Variants in MAPK4 observed in about 807,000 individuals in gnomAD.
MAPK4 encodes Erk3-related.
Under a neutral mutation model 47.7 loss-of-function variants are expected in MAPK4, and 22 were observed. That is an observed-to-expected ratio of 0.46 (90% CI 0.33 to 0.66). MAPK4 has a LOEUF of 0.66. Ranked by LOEUF, MAPK4 falls within the 30% of genes least tolerant of loss-of-function variation. The pLI is 0.02. For missense variants in MAPK4, 736 were observed against 831.7 expected (o/e 0.88, Z 1.42); for synonymous variants, 390 against 365.7 (o/e 1.07, Z -0.76).
chr18:50,718,949 T>A (rs1173847089), intron 3 of MAPK4, among the ~76,000 whole-genome samples: 1 of 151,786 alleles, frequency 6.6e-6, no homozygotes, highest in Non-Finnish European at 1.5e-5. Context: ...CTGGGCGTGG[T>A]GGCATGCACC....
intron 2 of MAPK4, among the ~76,000 whole-genome samples, chr18:50,709,515 C>T (rs1050330614): frequency 3.9e-5 from 6 of 152,342 alleles, no homozygotes; most frequent in East Asian, 3.9e-4. Context: ...CTGCAACCTA[C>T]GCTGAAACGC....
chr18:50,701,436 G>A (rs1022407275), intron 2 of MAPK4, among the ~76,000 whole-genome samples: 6 of 152,184 alleles, frequency 3.9e-5, no homozygotes, highest in East Asian at 3.8e-4. Flanking sequence ...GCTGGATGCC[G>A]CTTGCTTGGC....
At chr18:50,691,498 G>A (rs1460708620) in intron 2 of MAPK4, among the ~76,000 whole-genome samples, 5 of 152,176 alleles carry the variant, frequency 3.3e-5, no homozygotes, top group East Asian at 1.9e-4. Context: ...ATAAGAAAAC[G>A]TAAAGATCAT....
At chr18:50,577,406 T>A (rs1178513725) in intron 1 of MAPK4, among the ~76,000 whole-genome samples, 1 of 152,216 alleles carries the variant, frequency 6.6e-6, no homozygotes, top group Non-Finnish European at 1.5e-5. Context: ...AGGTGCATGT[T>A]AGAATCATCT....
intron 1 of MAPK4, among the ~76,000 whole-genome samples, chr18:50,568,023 C>T (rs181835804): frequency 1.9e-3 from 294 of 151,760 alleles, no homozygotes; most frequent in African/African-American, 6.5e-3. Flanking sequence ...GGTGAAACCC[C>T]GTCTCTACTA....
intron 1 of MAPK4, among the ~76,000 whole-genome samples, chr18:50,626,325 G>T (rs1460259654): frequency 6.6e-6 from 1 of 152,208 alleles, no homozygotes; most frequent in Admixed American, 6.5e-5. Flanking sequence ...CGTGAGGTCT[G>T]TGGAGGGAGG....
intron 1 of MAPK4, among the ~76,000 whole-genome samples, chr18:50,657,439 G>C (rs1470160387): frequency 6.6e-6 from 1 of 152,150 alleles, no homozygotes; most frequent in African/African-American, 2.4e-5. Flanking sequence ...ATAAAACAGA[G>C]AGAACTGCAG....
At chr18:50,603,103 C>T (rs897794451) in intron 1 of MAPK4, among the ~76,000 whole-genome samples, 1 of 152,148 alleles carries the variant, frequency 6.6e-6, no homozygotes. Flanking sequence ...CTGGAGGTTA[C>T]AGATAGTTAC....
At chr18:50,579,712 C>T (rs1460087444) in intron 1 of MAPK4, among the ~76,000 whole-genome samples, 1 of 152,156 alleles carries the variant, frequency 6.6e-6, no homozygotes, top group African/African-American at 2.4e-5. Flanking sequence ...TCCCAGGTAC[C>T]CTCAGGATGG....
chr18:50,599,489 G>C (rs2149371352), intron 1 of MAPK4, among the ~76,000 whole-genome samples: 1 of 152,254 alleles, frequency 6.6e-6, no homozygotes, highest in Non-Finnish European at 1.5e-5. Flanking sequence ...TACAATCTCG[G>C]CTCACTGCAA....
At chr18:50,591,415 G>T (rs919601340) in intron 1 of MAPK4, among the ~76,000 whole-genome samples, 5 of 151,890 alleles carry the variant, frequency 3.3e-5, no homozygotes, top group Non-Finnish European at 7.4e-5. Flanking sequence ...GTATCTTGAA[G>T]TATCTATGTT....
chr18:50,729,647 T>C lies in MAPK4; in HGVS notation c.1557T>C (p.Ser519=). 6.7e-7 allele frequency: 1 copy of C among 1,493,762 alleles called. No homozygotes were observed. The highest frequency in any genetic ancestry group is 1.3e-5 in the South Asian group (1 of 76,152). The allele number at this position is 1,493,762 out of a possible 1,614,324, so 92.5% of individuals were successfully genotyped here. The part of the protein sequence containing the change: ...PPADDPERRL[S]ASPPGRPAPV... ...CCGACGACCCCGAGCGCCGCTTGTCTGCCTCGCCCCCCGGCCGCCCGGCCC... is the reference window on the plus strand; with the variant it reads ...CCGACGACCCCGAGCGCCGCTTGTCCGCCTCGCCCCCCGGCCGCCCGGCCC... Residue 519 remains serine, a synonymous_variant, in exon 6 of 6, where the codon TCT becomes TCC. Coordinates refer to ENST00000400384, the MANE Select transcript of MAPK4 (RefSeq NM_002747.4).
intron 1 of MAPK4, among the ~76,000 whole-genome samples, chr18:50,605,005 G>A (rs760939931): frequency 8.5e-5 from 13 of 152,322 alleles, no homozygotes; most frequent in Admixed American, 2.6e-4. Flanking sequence ...GCAGGAGGAT[G>A]GTAGTTACAG....
intron 2 of MAPK4, among the ~76,000 whole-genome samples, chr18:50,688,594 G>A (rs1266571005): frequency 1.3e-5 from 2 of 152,224 alleles, no homozygotes; most frequent in Non-Finnish European, 2.9e-5. Flanking sequence ...TCACAACCTG[G>A]ATGGAACTGG....
intron 2 of MAPK4, among the ~76,000 whole-genome samples, chr18:50,707,975 C>T (rs1368430849): frequency 6.6e-6 from 1 of 152,222 alleles, no homozygotes; most frequent in African/African-American, 2.4e-5. Context: ...AAATTCAGTG[C>T]AGCTGATTTA....
intron 1 of MAPK4, among the ~76,000 whole-genome samples, chr18:50,580,589 T>C (rs867092281): frequency 2.6e-5 from 4 of 152,130 alleles, no homozygotes; most frequent in Middle Eastern, 3.2e-3. Context: ...CAAGCTGCTT[T>C]TTTCCTGCTT....
At chr18:50,620,808 AG>A (rs2042725321) in intron 1 of MAPK4, among the ~76,000 whole-genome samples, 1 of 152,140 alleles carries the variant, frequency 6.6e-6, no homozygotes, top group South Asian at 2.1e-4. Flanking sequence ...ACTTGCAGAA[AG>A]AAAAAAAATC....
chr18:50,715,299 T>TA, intron 3 of MAPK4, 76 bp downstream of exon 3: 1 of 1,457,976 alleles, frequency 6.9e-7, no homozygotes, highest in Non-Finnish European at 9.2e-7. Flanking sequence ...GCAAAACACT[T>TA]ACAATCACAA....
chr18:50,650,569 C>G (rs2043037924), intron 1 of MAPK4, among the ~76,000 whole-genome samples: 1 of 152,188 alleles, frequency 6.6e-6, no homozygotes, highest in Non-Finnish European at 1.5e-5. Context: ...CAATCTCACA[C>G]TAGAATGAAT....
Sources: gnomAD v4.1 joint callset for allele counts (sites outside exome capture counted in the v4.1 genomes callset) on GRCh38, gnomAD v4.1.1 for gene constraint, MANE v1.5 for transcripts, NCBI Gene and HGNC (gene_info 2026-07-23, HGNC 2026-07-21) for gene names.